Variants in CMIP observed in about 807,000 individuals in gnomAD.
CMIP encodes the protein c-Maf inducing protein.
CMIP carries 13 observed loss-of-function variants against 97.3 expected under a neutral mutation model. The observed-to-expected ratio is 0.13, with a 90% CI of 0.09 to 0.21. CMIP has a LOEUF of 0.21. Ranked by LOEUF, CMIP falls within the 10% of genes least tolerant of loss-of-function variation. CMIP has a pLI of 1.00. For synonymous variants in CMIP, 538 were observed against 436.3 expected, an observed-to-expected ratio of 1.23 and a Z score of -2.91; for missense variants, 847 against 1,024.9, an observed-to-expected ratio of 0.83 and a Z score of 2.37.
intron 4 of CMIP, among the ~76,000 whole-genome samples, chr16:81,654,471 T>C (rs1008001980): frequency 6.6e-6 from 1 of 152,140 alleles, no homozygotes; most frequent in Non-Finnish European, 1.5e-5. Flanking sequence ...ATATTTAAAG[T>C]AGGAAAATGG....
At chr16:81,624,282 A>T (rs1321297864) in intron 3 of CMIP, among the ~76,000 whole-genome samples, 1 of 152,156 alleles carries the variant, frequency 6.6e-6, no homozygotes, top group African/African-American at 2.4e-5. Flanking sequence ...ACATATGTAT[A>T]TATGTGCCAT....
Position 81,710,413 on chromosome 16 carries a change from C to CA in CMIP, c.*614_*615insA, listed in dbSNP as rs1429551882. 2 of 152,614 alleles carry CA rather than the reference C, an allele frequency of 1.3e-5. No individual in the cohort carries two copies. Among genetic ancestry groups the CA allele is most frequent in the African/African-American group, 4.9e-5 (2 of 40,470 alleles). 9.5% of individuals were successfully genotyped at this position (152,614 alleles called of 1,614,324 possible). ...ATTTATGAAGTCTTTGACCGTCCCC[C>CA]CCGCCCGACCCCACCGCCCTCCCGC... On this transcript the variant is annotated 3_prime_UTR_variant, in exon 21 of 21. Transcript: ENST00000537098.
intron 1 of CMIP, among the ~76,000 whole-genome samples, chr16:81,532,159 C>T (rs2927317): frequency 0.019 from 2,871 of 152,316 alleles, 45 homozygotes; most frequent in Middle Eastern, 0.078. Flanking sequence ...CGAAGTGTTT[C>T]CGCTGCTTTC....
At chr16:81,473,401 G>T (rs1321418932) in intron 1 of CMIP, among the ~76,000 whole-genome samples, 2 of 152,156 alleles carry the variant, frequency 1.3e-5, no homozygotes, top group Non-Finnish European at 2.9e-5. Flanking sequence ...CCCGGCAGAG[G>T]CTGTTGCCCA....
At chr16:81,497,374 C>T (rs1188194149) in intron 1 of CMIP, among the ~76,000 whole-genome samples, 1 of 152,164 alleles carries the variant, frequency 6.6e-6, no homozygotes, top group Non-Finnish European at 1.5e-5. Context: ...ACTTGGGGCT[C>T]AGTGAGGTTG....
At position 81,599,928 on chromosome 16, in the gene CMIP, G is replaced by T. The variant is rs938087794; in HGVS notation, c.301-7639G>T. On this transcript the variant is annotated intron_variant, in intron 1 of 20. Coordinates refer to ENST00000537098, the MANE Select transcript of CMIP (RefSeq NM_198390.3). ...ACGGGCACCTGTGAATGTCCATATGGGTGGGGTGTAGTGAGGCTAGCGTCT... is the reference window on the plus strand; with the variant it reads ...ACGGGCACCTGTGAATGTCCATATGTGTGGGGTGTAGTGAGGCTAGCGTCT... Among the ~76,000 whole-genome samples the T allele has an allele frequency of 2.0e-5, 3 of 152,212 alleles. No homozygotes were observed. In the South Asian group the frequency reaches 6.2e-4, roughly 32 times the overall value.
intron 1 of CMIP, among the ~76,000 whole-genome samples, chr16:81,502,937 T>C (rs2089639517): frequency 1.3e-5 from 2 of 152,216 alleles, no homozygotes; most frequent in South Asian, 4.1e-4. Context: ...TCTTTGCTGC[T>C]GCATCCATCA....
intron 1 of CMIP, among the ~76,000 whole-genome samples, chr16:81,458,758 A>G (rs1255093109): frequency 6.6e-6 from 1 of 152,158 alleles, no homozygotes; most frequent in Non-Finnish European, 1.5e-5. Context: ...ATATGAGGCC[A>G]TTTAACCAGT....
At chr16:81,501,305 C>T (rs1304211426) in intron 1 of CMIP, among the ~76,000 whole-genome samples, 1 of 152,202 alleles carries the variant, frequency 6.6e-6, no homozygotes, top group African/African-American at 2.4e-5. Flanking sequence ...AGCAAATGCC[C>T]GTCCTATTTT....
At position 81,618,376 on chromosome 16, in the gene CMIP, A is replaced by T. The variant is rs1406112275; in HGVS notation, c.427-2500A>T. On this transcript the variant is annotated intron_variant, in intron 2 of 20. Coordinates refer to ENST00000537098, the MANE Select transcript of CMIP (RefSeq NM_198390.3). Reference sequence around the variant, plus strand: ...CTCTTGTGAGTACCCTTGTGATTTCATTGGGCTACCTAGATCATCCCCATC... The same window carrying T: ...CTCTTGTGAGTACCCTTGTGATTTCTTTGGGCTACCTAGATCATCCCCATC... 1.3e-5 allele frequency: 2 copies of T among 152,134 alleles called. 1 individual carries two copies. Among genetic ancestry groups the T allele is most frequent in the Middle Eastern group, 6.3e-3 (2 of 318 alleles). The allele number at this position is 152,134 out of a possible 1,614,324, so 9.4% of individuals were successfully genotyped here.
intron 1 of CMIP, among the ~76,000 whole-genome samples, chr16:81,499,202 C>T (rs561853661): frequency 2.1e-4 from 32 of 152,096 alleles, no homozygotes; most frequent in Non-Finnish European, 3.8e-4. Flanking sequence ...ACACTGTGAA[C>T]GTGTCCCAGC....
chr16:81,484,199 C>G (rs35905817), intron 1 of CMIP, among the ~76,000 whole-genome samples: 29,745 of 152,058 alleles, frequency 0.2, 3,183 homozygotes, highest in East Asian at 0.31. Flanking sequence ...TCGCCCTTCC[C>G]TGGCGGACCT....
In CMIP at chr16:81,705,513, C is replaced by A. The variant is rs201316817; in HGVS notation, c.2106C>A (p.Gly702=). 3.4e-3 allele frequency: 5,428 copies of A among 1,604,988 alleles called. 7 individuals are homozygous for A. The highest frequency in any genetic ancestry group is 4.4e-3 in the Non-Finnish European group (5,135 of 1,176,286). ...NLWSTQFGDA[G]LRLLSEHLTM... is the part of the protein sequence containing the mutation. ...GTGCTCTACAGTTTGGAGACGCTGGCCTTCGGCTCCTGTCGGAACACCTCA... is the reference window on the plus strand; with the variant it reads ...GTGCTCTACAGTTTGGAGACGCTGGACTTCGGCTCCTGTCGGAACACCTCA... Residue 702 remains glycine (G), a synonymous_variant, in exon 19 of 21, where the codon GGC becomes GGA. Coordinates refer to ENST00000537098, the MANE Select transcript of CMIP (RefSeq NM_198390.3).
intron 6 of CMIP, among the ~76,000 whole-genome samples, chr16:81,663,799 A>T (rs1460024002): frequency 1.3e-5 from 2 of 152,054 alleles, no homozygotes; most frequent in East Asian, 3.9e-4. Context: ...AGGAAAGGGG[A>T]CCGTGGTGCA....
intron 1 of CMIP, among the ~76,000 whole-genome samples, chr16:81,514,923 G>A (rs1405266394): frequency 1.3e-5 from 2 of 152,206 alleles, no homozygotes; most frequent in East Asian, 1.9e-4. Context: ...ACCAAGTGGG[G>A]CGCTGGGGTC....
intron 10 of CMIP, among the ~76,000 whole-genome samples, chr16:81,686,390 G>T (rs151087619): frequency 2.0e-5 from 3 of 152,278 alleles, no homozygotes; most frequent in African/African-American, 7.2e-5. Context: ...ACCCCAGGCT[G>T]CACCTGGGCC....
rs557192770 is a variant in CMIP, at chr16:81,476,225, A to G, written c.300+30684A>G. 6.5e-5 allele frequency: 92 copies of G among 1,413,412 alleles called. No individual in the cohort carries two copies. The Admixed American group carries it at 1.2e-3, about 18-fold the overall frequency. 87.6% of individuals were successfully genotyped at this position (1,413,412 alleles called of 1,614,324 possible). ...GTGTTGGGTCCAGCATTTGCCATGG[A>G]CAAGATGCCGGGACCTGTATGCTTT... is the stretch of plus-strand genomic sequence containing the variant. On this transcript the variant is annotated intron_variant, in intron 1 of 20. Transcript: ENST00000537098.
At chr16:81,617,433 C>G (rs905450232) in intron 2 of CMIP, 3 of 152,372 alleles carry the variant, frequency 2.0e-5, no homozygotes, top group Non-Finnish European at 4.4e-5. Context: ...GATCCAGAGT[C>G]CTGGGCAAGA....
At chr16:81,510,541 A>G (rs2089791432) in intron 1 of CMIP, among the ~76,000 whole-genome samples, 1 of 152,180 alleles carries the variant, frequency 6.6e-6, no homozygotes, top group Non-Finnish European at 1.5e-5. Flanking sequence ...GCACAAAGTC[A>G]CACAACCAGC....
Sources: allele counts gnomAD v4.1 joint callset (sites outside exome capture counted in the v4.1 genomes callset), GRCh38; gene constraint gnomAD v4.1.1; transcripts MANE v1.5; gene names NCBI Gene and HGNC (gene_info 2026-07-23, HGNC 2026-07-21).